The following CDKAL1 variants were observed in gnomAD, a reference collection of about 807,000 sequenced individuals.
CDKAL1 encodes the protein threonylcarbamoyladenosine tRNA methylthiotransferase.
A neutral mutation model predicts 68.2 loss-of-function variants in CDKAL1; 32 were observed. The ratio of observed to expected loss-of-function variants is 0.47; its 90% CI spans 0.35 to 0.63. The LOEUF (loss-of-function observed/expected upper bound fraction) is 0.63. Ranked by LOEUF, CDKAL1 falls within the 30% of genes least tolerant of loss-of-function variation. The pLI, the probability that CDKAL1 is intolerant of heterozygous loss-of-function variation, is 0.00. For missense variants in CDKAL1, 606 were observed against 696.7 expected, an observed-to-expected ratio of 0.87 and a Z score of 1.47; for synonymous variants, 234 against 244.3, an observed-to-expected ratio of 0.96 and a Z score of 0.39.
At chr6:20,739,373 T>C in intron 5 of CDKAL1, 146 bp from the exon 6 acceptor site, 1 of 534,684 alleles carries the variant, frequency 1.9e-6, no homozygotes. Flanking sequence ...AGTTTTATTA[T>C]GTGTTCTTTA....
At chr6:20,822,207 G>T (rs773305991) in intron 8 of CDKAL1, among the ~76,000 whole-genome samples, 3 of 152,150 alleles carry the variant, frequency 2.0e-5, no homozygotes, top group Admixed American at 6.5e-5. Flanking sequence ...ATATTTTGCA[G>T]TATAGATCAT....
chr6:20,743,495 G>A (rs1483691165), intron 6 of CDKAL1, among the ~76,000 whole-genome samples: 1 of 152,162 alleles, frequency 6.6e-6, no homozygotes, highest in African/African-American at 2.4e-5. Context: ...AATAGATAAA[G>A]AGAGAAATTA....
intron 4 of CDKAL1, among the ~76,000 whole-genome samples, chr6:20,623,071 A>G (rs1767268983): frequency 6.6e-6 from 1 of 152,106 alleles, no homozygotes; most frequent in Non-Finnish European, 1.5e-5. Context: ...AAAAATGTAC[A>G]TTAAAAGTCT....
At chr6:20,925,653 A>G (rs1368028091) in intron 9 of CDKAL1, among the ~76,000 whole-genome samples, 1 of 152,166 alleles carries the variant, frequency 6.6e-6, no homozygotes, top group Non-Finnish European at 1.5e-5. Context: ...TTTTTTAAAA[A>G]GACATGTTTT....
intron 4 of CDKAL1, among the ~76,000 whole-genome samples, chr6:20,591,315 CTGA>C (rs1257704848): frequency 1.3e-5 from 2 of 152,254 alleles, no homozygotes; most frequent in African/African-American, 4.8e-5. Flanking sequence ...CCTGTTCACT[CTGA>C]TGATAGTTTC....
chr6:20,748,275 G>A (rs145782126), intron 6 of CDKAL1, among the ~76,000 whole-genome samples: 347 of 152,160 alleles, frequency 2.3e-3, no homozygotes, highest in African/African-American at 7.3e-3. Flanking sequence ...GATCTCTTGA[G>A]GCCGAGAATT....
chr6:21,160,598 G>T (rs1206628318), intron 13 of CDKAL1, among the ~76,000 whole-genome samples: 2 of 125,004 alleles, frequency 1.6e-5, no homozygotes, highest in African/African-American at 3.1e-5. Context: ...ACCCAGCCAA[G>T]ATTTTTTTTT....
intron 14 of CDKAL1, 117 bp from the exon 15 acceptor site, chr6:21,200,993 A>G: frequency 2.4e-6 from 2 of 818,340 alleles, no homozygotes; most frequent in Non-Finnish European, 3.7e-6. Flanking sequence ...GAAAACTGGG[A>G]GTTAGGTATA....
In CDKAL1 at chr6:21,223,935, C is replaced by T. The variant is rs991447503; in HGVS notation, c.1549-6913C>T. ...TGTCCTCTTCCCCCAGGAAACTTCA[C>T]GGTCAGCCAGCCACACAGTCTCCTA... On this transcript the variant is annotated intron_variant, in intron 15 of 15. Coordinates refer to ENST00000274695, the MANE Select transcript of CDKAL1 (RefSeq NM_017774.3). Among the ~76,000 whole-genome samples, 3 of 152,198 alleles carry T rather than the reference C, an allele frequency of 2.0e-5. No individual in the cohort carries two copies. The South Asian group carries it at 6.2e-4, about 32-fold the overall frequency.
At chr6:20,573,796 C>G (rs1307343196) in intron 4 of CDKAL1, among the ~76,000 whole-genome samples, 1 of 152,098 alleles carries the variant, frequency 6.6e-6, no homozygotes, top group Non-Finnish European at 1.5e-5. Flanking sequence ...CCTATTGTTC[C>G]TATTGAATAA....
At position 20,802,018 on chromosome 6, in the gene CDKAL1, C is replaced by T. The variant is rs530618419; in HGVS notation, c.638+20753C>T. 8.6e-5 allele frequency among the ~76,000 whole-genome samples: 13 copies of T among 152,004 alleles called. 1 individual carries two copies. The highest frequency in any genetic ancestry group is 1.9e-4 in the East Asian group (1 of 5,178). ...ACCTTTAAAAAATATGAATGACGGC[C>T]GGGTGCAGTGGTGGCAAACGCCTGT... On this transcript the variant is annotated intron_variant, in intron 8 of 15. Coordinates refer to ENST00000274695, the MANE Select transcript of CDKAL1 (RefSeq NM_017774.3).
At chr6:21,046,405 A>T (rs1433645641) in intron 11 of CDKAL1, among the ~76,000 whole-genome samples, 1 of 152,202 alleles carries the variant, frequency 6.6e-6, no homozygotes, top group Non-Finnish European at 1.5e-5. Context: ...TGTAAGAAGA[A>T]GGGGGCAGTG....
intron 10 of CDKAL1, among the ~76,000 whole-genome samples, chr6:20,983,176 AAT>A (rs757278660): frequency 8.5e-5 from 13 of 152,282 alleles, no homozygotes; most frequent in East Asian, 7.7e-4. Flanking sequence ...CCTTATAAAA[AAT>A]ATATGTTTAT....
At chr6:20,712,612 G>T (rs1334236531) in intron 5 of CDKAL1, among the ~76,000 whole-genome samples, 3 of 151,718 alleles carry the variant, frequency 2.0e-5, no homozygotes, top group African/African-American at 7.3e-5. Flanking sequence ...AACAACTAAT[G>T]TTCAAAATGA....
intron 13 of CDKAL1, among the ~76,000 whole-genome samples, chr6:21,171,531 C>T (rs1777389463): frequency 6.6e-6 from 1 of 152,196 alleles, no homozygotes; most frequent in Admixed American, 6.5e-5. Flanking sequence ...AAAAATCATA[C>T]TGTGAGCACT....
chr6:20,797,479 G>C (rs181046801), intron 8 of CDKAL1, among the ~76,000 whole-genome samples: 1 of 152,246 alleles, frequency 6.6e-6, no homozygotes, highest in African/African-American at 2.4e-5. Context: ...TATGACGAAC[G>C]TCCTACTTTT....
chr6:20,764,171 T>A (rs954899116), intron 7 of CDKAL1, among the ~76,000 whole-genome samples: 14 of 152,332 alleles, frequency 9.2e-5, no homozygotes, highest in African/African-American at 3.4e-4. Context: ...TTAAAAATAA[T>A]CTTATCTTTG....
chr6:20,885,570 G>T (rs972788107), intron 9 of CDKAL1, among the ~76,000 whole-genome samples: 1 of 152,150 alleles, frequency 6.6e-6, no homozygotes, highest in East Asian at 1.9e-4. Flanking sequence ...AAACACAGGG[G>T]TAAATCTTTA....
At chr6:20,557,662 C>T (rs920417393) in intron 4 of CDKAL1, among the ~76,000 whole-genome samples, 6 of 152,120 alleles carry the variant, frequency 3.9e-5, no homozygotes, top group Admixed American at 1.3e-4. Context: ...CACGGTGGCT[C>T]ATGCCTCTAA....
Sources: allele counts gnomAD v4.1 joint callset (sites outside exome capture counted in the v4.1 genomes callset), GRCh38; gene constraint gnomAD v4.1.1; transcripts MANE v1.5; gene names NCBI Gene and HGNC (gene_info 2026-07-23, HGNC 2026-07-21).